Variants in SLC1A2 observed in about 807,000 individuals in gnomAD.
SLC1A2 encodes solute carrier family 1 member 2.
SLC1A2 carries 15 observed loss-of-function variants against 48.8 expected under a neutral mutation model. The observed-to-expected ratio is 0.31, with a 90% CI of 0.21 to 0.47. The LOEUF (loss-of-function observed/expected upper bound fraction) is 0.47, where lower values mean the gene tolerates loss of function less well. Ranked by LOEUF, SLC1A2 falls within the 20% of genes least tolerant of loss-of-function variation. The probability of loss-of-function intolerance (pLI) is 0.99; values close to 1 mark genes in which losing one functional copy is unlikely to be tolerated. For synonymous variants in SLC1A2, 279 were observed against 272.6 expected (o/e 1.02, Z -0.23); for missense variants, 502 against 730.5 (o/e 0.69, Z 3.61).
chr11:35,354,588 T>C (rs536130671), intron 1 of SLC1A2, among the ~76,000 whole-genome samples: 53 of 152,206 alleles, frequency 3.5e-4, no homozygotes, highest in Non-Finnish European at 6.9e-4. Context: ...GGCAATTTTG[T>C]AATGTCTGGA....
chr11:35,263,490 A>T (rs1476459478), intron 10 of SLC1A2, among the ~76,000 whole-genome samples: 1 of 152,020 alleles, frequency 6.6e-6, no homozygotes, highest in Non-Finnish European at 1.5e-5. Context: ...AAAGAAGCAA[A>T]TTTATCCTCA....
intron 6 of SLC1A2, among the ~76,000 whole-genome samples, chr11:35,296,370 C>A (rs920865850): frequency 2.0e-5 from 3 of 152,206 alleles, no homozygotes; most frequent in African/African-American, 7.2e-5. Flanking sequence ...GAAAGTATCA[C>A]AAATCTTCAT....
At chr11:35,301,683 C>A (rs1565225784) in intron 5 of SLC1A2, 38 bp from the exon 6 acceptor site, 1 of 1,599,244 alleles carries the variant, frequency 6.3e-7, no homozygotes, top group Non-Finnish European at 8.5e-7. Context: ...GGACAAATTA[C>A]AAAAAATGTA....
Position 35,252,958 on chromosome 11 carries a change from CTGTT to C in SLC1A2, c.*7932_*7935del, listed in dbSNP as rs1391121241. 7 of 152,512 alleles carry C rather than the reference CTGTT, an allele frequency of 4.6e-5. No homozygotes were observed. Among genetic ancestry groups the C allele is most frequent in the African/African-American group, 1.7e-4 (7 of 41,458 alleles). 9.4% of individuals were successfully genotyped at this position (152,512 alleles called of 1,614,324 possible). On this transcript the variant is annotated 3_prime_UTR_variant, in exon 11 of 11. Transcript: ENST00000278379. ...ATTGCCAGTCGAGGGTACATCTAAT[CTGTT>C]TGTTTAATGAAGAGCAGGTTCAAAT...
At chr11:35,344,461 A>T (rs950587824) in intron 1 of SLC1A2, among the ~76,000 whole-genome samples, 1 of 152,158 alleles carries the variant, frequency 6.6e-6, no homozygotes, top group Non-Finnish European at 1.5e-5. Flanking sequence ...CTCTCACTAC[A>T]CAGTGCACAG....
intron 1 of SLC1A2, among the ~76,000 whole-genome samples, chr11:35,324,904 T>C (rs1428120292): frequency 2.0e-5 from 3 of 152,106 alleles, no homozygotes; most frequent in Admixed American, 2.0e-4. Context: ...CAGGGCCCAA[T>C]GAGAGACTGG....
At chr11:35,315,268 A>T (rs776899547) in intron 2 of SLC1A2, 93 bp from the exon 3 acceptor site, 19 of 863,388 alleles carry the variant, frequency 2.2e-5, no homozygotes, top group Non-Finnish European at 3.4e-5. Context: ...GACCTTTCTC[A>T]TGCTTCTGCA....
At chr11:35,306,396 A>G (rs1247359218) in intron 4 of SLC1A2, among the ~76,000 whole-genome samples, 154 bp from the exon 5 acceptor site, 2 of 152,210 alleles carry the variant, frequency 1.3e-5, no homozygotes, top group African/African-American at 2.4e-5. Context: ...AGAATATTTT[A>G]TATGTCTATA....
chr11:35,383,190 T>C (rs1854485396), intron 1 of SLC1A2, among the ~76,000 whole-genome samples: 1 of 152,120 alleles, frequency 6.6e-6, no homozygotes. Context: ...GGCATAATCC[T>C]AAAAGAAAAA....
rs528279581 is a variant in SLC1A2 at position 35,366,518 on chromosome 11, C to T, written c.18-49002G>A. Among the ~76,000 whole-genome samples, 2 of 152,296 alleles carry T rather than the reference C, an allele frequency of 1.3e-5. 1 individual carries two copies. Among genetic ancestry groups the T allele is most frequent in the Admixed American group, 1.3e-4 (2 of 15,292 alleles). On this transcript the variant is annotated intron_variant, in intron 1 of 10. Coordinates refer to ENST00000278379, the MANE Select transcript of SLC1A2 (RefSeq NM_004171.4). Reference sequence around the variant, plus strand: ...TCCTCAGGAGGGTAATTCTAAGGCACATGATTTGCCCTGTTTTCCAGAATT... The same window carrying T: ...TCCTCAGGAGGGTAATTCTAAGGCATATGATTTGCCCTGTTTTCCAGAATT...
At chr11:35,386,638 C>G (rs1488320222) in intron 1 of SLC1A2, among the ~76,000 whole-genome samples, 1 of 152,206 alleles carries the variant, frequency 6.6e-6, no homozygotes, top group Non-Finnish European at 1.5e-5. Context: ...ATTCAACCTT[C>G]AAGCAATATT....
chr11:35,294,915 C>A (rs183456344), intron 6 of SLC1A2, among the ~76,000 whole-genome samples: 3 of 152,286 alleles, frequency 2.0e-5, no homozygotes, highest in Admixed American at 6.5e-5. Flanking sequence ...CAAGAAGAAG[C>A]CCTTGCTAAT....
At position 35,317,448 on chromosome 11, in the gene SLC1A2, T is replaced by C; in HGVS notation, c.86A>G (p.Lys29Arg). The change falls in exon 2 of 11, where the codon AAG becomes AGG. Residue 29 changes from lysine (K) to arginine (R), a missense_variant. Coordinates refer to ENST00000278379, the MANE Select transcript of SLC1A2 (RefSeq NM_004171.4). Reference sequence around the variant, plus strand: ...CAGGCGCAGGCCCAGGTGCCGGTGCTTGGGTTCCTCTGAGCCAAGATGACT... The same window carrying C: ...CAGGCGCAGGCCCAGGTGCCGGTGCCTGGGTTCCTCTGAGCCAAGATGACT... ...HDSHLGSEEP[K>R]HRHLGLRLCD... 6.2e-7 allele frequency: 1 copy of C among 1,614,180 alleles called. No homozygotes were observed. Among genetic ancestry groups the C allele is most frequent in the Non-Finnish European group, 8.5e-7 (1 of 1,180,010 alleles).
At chr11:35,390,941 C>T (rs1272454456) in intron 1 of SLC1A2, 2 of 152,228 alleles carry the variant, frequency 1.3e-5, no homozygotes, top group African/African-American at 4.8e-5. Context: ...GCTGAGCTTA[C>T]AGGTGTGAGC....
At chr11:35,407,941 G>T (rs904132113) in intron 1 of SLC1A2, among the ~76,000 whole-genome samples, 2 of 152,108 alleles carry the variant, frequency 1.3e-5, no homozygotes, top group South Asian at 2.1e-4. Context: ...CTCCATAAAG[G>T]CCCCGGCCTG....
At chr11:35,364,602 C>T (rs932743223) in intron 1 of SLC1A2, among the ~76,000 whole-genome samples, 1 of 152,174 alleles carries the variant, frequency 6.6e-6, no homozygotes, top group Non-Finnish European at 1.5e-5. Flanking sequence ...AGTTTGAATA[C>T]CACTCACTAA....
At chr11:35,285,988 C>T (rs1326158716) in intron 8 of SLC1A2, 2 of 152,232 alleles carry the variant, frequency 1.3e-5, no homozygotes, top group East Asian at 3.9e-4. Context: ...TTATTTCATG[C>T]TGTAATGTCA....
chr11:35,400,024 A>G (rs1052655124), intron 1 of SLC1A2, among the ~76,000 whole-genome samples: 2 of 152,206 alleles, frequency 1.3e-5, no homozygotes, highest in African/African-American at 4.8e-5. Flanking sequence ...TGATATCACA[A>G]CTGCAAGTAA....
rs558507272 is a variant in SLC1A2 at position 35,252,857 on chromosome 11, G to A, written c.*8037C>T. ...AGTGCATAGGCACTGTTCTTCATGCGTGAACCAAGTGTCAGTGTGTATACA... is the reference window on the plus strand; with the variant it reads ...AGTGCATAGGCACTGTTCTTCATGCATGAACCAAGTGTCAGTGTGTATACA... On this transcript the variant is annotated 3_prime_UTR_variant, in exon 11 of 11. Coordinates refer to ENST00000278379, the MANE Select transcript of SLC1A2 (RefSeq NM_004171.4). The A allele has an allele frequency of 6.5e-5, 10 of 152,724 alleles. No individual in the cohort carries two copies. The South Asian group carries it at 1.2e-3, about 19-fold the overall frequency. The allele number at this position is 152,724 out of a possible 1,614,324, so 9.5% of individuals were successfully genotyped here.
Sources: gnomAD v4.1 joint callset for allele counts (sites outside exome capture counted in the v4.1 genomes callset) on GRCh38, gnomAD v4.1.1 for gene constraint, MANE v1.5 for transcripts, NCBI Gene and HGNC (gene_info 2026-07-23, HGNC 2026-07-21) for gene names.